The following NEDD4 variants were observed in gnomAD, a reference collection of about 807,000 sequenced individuals.
NEDD4 encodes the protein E3 ubiquitin-protein ligase NEDD4.
A neutral mutation model predicts 144.9 loss-of-function variants in NEDD4; 99 were observed. The ratio of observed to expected loss-of-function variants is 0.68; its 90% CI spans 0.58 to 0.81. The LOEUF (loss-of-function observed/expected upper bound fraction) is 0.81. NEDD4 is among the 30% of genes least tolerant of loss of function. The pLI is 0.00. For missense variants in NEDD4, 985 were observed against 1,065.9 expected (o/e 0.92, Z 1.06); for synonymous variants, 318 against 350.6 (o/e 0.91, Z 1.04).
At position 55,860,439 on chromosome 15, in the gene NEDD4, T is replaced by A. The variant is rs1250402858; in HGVS notation, c.928A>T (p.Asn310Tyr). ...GATGCTGGCTGGCTCACGGCTGAATTTCCAAAAATGGTGAGTCTGGCATTC... is the reference window on the plus strand; with the variant it reads ...GATGCTGGCTGGCTCACGGCTGAATATCCAAAAATGGTGAGTCTGGCATTC... ...ELNARLTIFG[N>Y]SAVSQPASSS... The change falls in exon 11 of 29, where the codon AAT becomes TAT. Residue 310 changes from asparagine to tyrosine, a missense_variant. By Grantham distance (143) the Asn-to-Tyr change is moderately radical. Coordinates refer to ENST00000435532, the MANE Select transcript of NEDD4 (RefSeq NM_006154.4). 2.5e-6 allele frequency: 4 copies of A among 1,614,136 alleles called. No homozygotes were observed. Among genetic ancestry groups the A allele is most frequent in the Admixed American group, 1.7e-5 (1 of 60,012 alleles).
chr15:55,889,642 T>C (rs1394138899), intron 5 of NEDD4, among the ~76,000 whole-genome samples: 1 of 152,120 alleles, frequency 6.6e-6, no homozygotes, highest in Non-Finnish European at 1.5e-5. Context: ...GATCTAGTAT[T>C]TGATAGCAGA....
intron 1 of NEDD4, among the ~76,000 whole-genome samples, chr15:55,976,865 C>G (rs1595885735): frequency 6.6e-6 from 1 of 152,218 alleles, no homozygotes; most frequent in East Asian, 1.9e-4. Context: ...GATCTCCTGA[C>G]CTCCTGATCC....
chr15:55,867,131 A>T (rs1326577555), intron 8 of NEDD4, among the ~76,000 whole-genome samples: 1 of 152,228 alleles, frequency 6.6e-6, no homozygotes, highest in East Asian at 1.9e-4. Context: ...CAGAATACAA[A>T]CTACCTAAGA....
Position 55,922,520 on chromosome 15 carries a change from G to A in NEDD4, c.291+2126C>T, listed in dbSNP as rs565801089. Reference sequence around the variant, plus strand: ...TGGGACTACAGGTGCCCACCATCACGCCTAACTAATTTTTGTATTTTTATT... The same window carrying A: ...TGGGACTACAGGTGCCCACCATCACACCTAACTAATTTTTGTATTTTTATT... On this transcript the variant is annotated intron_variant, in intron 5 of 28. Transcript: ENST00000435532. Among the ~76,000 whole-genome samples the A allele has an allele frequency of 2.6e-5, 4 of 152,078 alleles. No homozygotes were observed. The East Asian group carries it at 5.8e-4, about 22-fold the overall frequency.
rs188240783 is a variant in NEDD4, at chr15:55,919,642, A to G, written c.291+5004T>C. 2.4e-3 allele frequency among the ~76,000 whole-genome samples: 369 copies of G among 152,310 alleles called. 2 individuals carry two copies. Among genetic ancestry groups the G allele is most frequent in the African/African-American group, 8.3e-3 (347 of 41,570 alleles). On this transcript the variant is annotated intron_variant, in intron 5 of 28. Coordinates refer to ENST00000435532, the MANE Select transcript of NEDD4 (RefSeq NM_006154.4). ...CTAACCTTAAGTGTAGAAGAACTGG[A>G]GGGACATGGCAGCCCTCATCTGGAA...
At chr15:55,950,759 G>T (rs567822844) in intron 4 of NEDD4, among the ~76,000 whole-genome samples, 56 of 152,306 alleles carry the variant, frequency 3.7e-4, no homozygotes, top group South Asian at 1.9e-3. Flanking sequence ...GGAATATGGG[G>T]TCAAGGAAGA....
chr15:55,959,539 T>C (rs1450456098), intron 2 of NEDD4, among the ~76,000 whole-genome samples: 2 of 152,222 alleles, frequency 1.3e-5, no homozygotes, highest in African/African-American at 4.8e-5. Flanking sequence ...CACCTCCTAA[T>C]ATTCATGTTC....
At chr15:55,876,324 A>G (rs1197980872) in intron 5 of NEDD4, among the ~76,000 whole-genome samples, 1 of 152,078 alleles carries the variant, frequency 6.6e-6, no homozygotes, top group Non-Finnish European at 1.5e-5. Context: ...AATAAAGAGC[A>G]CCAGAAAATG....
intron 1 of NEDD4, among the ~76,000 whole-genome samples, chr15:55,990,696 AAC>A (rs1167279265): frequency 6.6e-6 from 1 of 152,130 alleles, no homozygotes; most frequent in Non-Finnish European, 1.5e-5. Context: ...GAGTGTGGGA[AAC>A]AGTGTTTAGT....
intron 5 of NEDD4, among the ~76,000 whole-genome samples, chr15:55,899,937 A>AT (rs1289010993): frequency 6.6e-6 from 1 of 152,030 alleles, no homozygotes; most frequent in Non-Finnish European, 1.5e-5. Context: ...GCTGTAGGAA[A>AT]TTTTTTTTAG....
intron 5 of NEDD4, among the ~76,000 whole-genome samples, chr15:55,911,255 G>A (rs982477741): frequency 6.6e-6 from 1 of 152,064 alleles, no homozygotes; most frequent in Admixed American, 6.5e-5. Context: ...GGAGGCCAGG[G>A]ATGCTGTTAA....
chr15:55,927,983 G>A (rs1283462287), intron 4 of NEDD4, among the ~76,000 whole-genome samples: 1 of 152,146 alleles, frequency 6.6e-6, no homozygotes, highest in Non-Finnish European at 1.5e-5. Flanking sequence ...GGTTCAGACT[G>A]TAATTAATAG....
At chr15:55,865,938 T>C (rs201023183) in intron 8 of NEDD4, among the ~76,000 whole-genome samples, 2 of 113,308 alleles carry the variant, frequency 1.8e-5, no homozygotes, top group Non-Finnish European at 3.8e-5. Flanking sequence ...ATTTCTCTCT[T>C]TCTTCTCTCT....
chr15:55,919,813 A>C (rs1215420301), intron 5 of NEDD4, among the ~76,000 whole-genome samples: 8 of 152,176 alleles, frequency 5.3e-5, no homozygotes, highest in African/African-American at 1.9e-4. Flanking sequence ...CATGGTATGG[A>C]TAGGCTCTGG....
At chr15:55,992,091 C>G (rs575855662) in intron 1 of NEDD4, 3 of 152,184 alleles carry the variant, frequency 2.0e-5, no homozygotes, top group Non-Finnish European at 4.4e-5. Flanking sequence ...GGGCAGTCTA[C>G]GTAGCAAGCA....
chr15:55,961,563 C>T lies in NEDD4; in HGVS notation c.119+4910G>A, dbSNP rs373541674. ...TTGGCTCACTGCAACCTCCGCCTCCCGGGTTCATATCATTCTCCTGCCTCA... is the reference window on the plus strand; with the variant it reads ...TTGGCTCACTGCAACCTCCGCCTCCTGGGTTCATATCATTCTCCTGCCTCA... On this transcript the variant is annotated intron_variant, in intron 2 of 28. Transcript: ENST00000435532. Among the ~76,000 whole-genome samples the T allele has an allele frequency of 3.9e-5, 6 of 152,022 alleles. No homozygotes were observed. In the East Asian group the frequency reaches 5.8e-4, roughly 15 times the overall value.
intron 12 of NEDD4, among the ~76,000 whole-genome samples, 162 bp from the exon 13 acceptor site, chr15:55,852,705 A>C (rs1200719461): frequency 2.6e-5 from 3 of 113,320 alleles, no homozygotes; most frequent in Admixed American, 9.5e-5. Flanking sequence ...ATATATATAT[A>C]TATATATATA....
In NEDD4 at chr15:55,964,628, T is replaced by C. The variant is rs752066364; in HGVS notation, c.119+1845A>G. 2.0e-5 allele frequency among the ~76,000 whole-genome samples: 3 copies of C among 151,792 alleles called. No homozygotes were observed. In the East Asian group the frequency reaches 5.8e-4, roughly 29 times the overall value. On this transcript the variant is annotated intron_variant, in intron 2 of 28. Coordinates refer to ENST00000435532, the MANE Select transcript of NEDD4 (RefSeq NM_006154.4). ...GGACATATATTATAAATGTTAAGTT[T>C]TGGAGACTGAATTTTGCTGCTGGTG...
intron 2 of NEDD4, among the ~76,000 whole-genome samples, chr15:55,955,254 C>G (rs778639844): frequency 6.6e-6 from 1 of 151,232 alleles, no homozygotes; most frequent in Non-Finnish European, 1.5e-5. Context: ...AATTTGCAGG[C>G]TCAAGTGATC....
Sources: allele counts gnomAD v4.1 joint callset (sites outside exome capture counted in the v4.1 genomes callset), GRCh38; gene constraint gnomAD v4.1.1; transcripts MANE v1.5; gene names NCBI Gene and HGNC (gene_info 2026-07-23, HGNC 2026-07-21).